TAF1B: variants seen among roughly 807,000 people sequenced by gnomAD.
The protein encoded by TAF1B is TATA-box binding protein associated factor, RNA polymerase I subunit B.
A neutral mutation model predicts 83.9 loss-of-function variants in TAF1B; 61 were observed. The observed-to-expected ratio is 0.73, with a 90% CI of 0.59 to 0.90. The LOEUF (loss-of-function observed/expected upper bound fraction) is 0.90, where lower values mean the gene tolerates loss of function less well. Among genes scored for constraint, TAF1B ranks in the 40% least tolerant of loss-of-function variants. The probability of loss-of-function intolerance (pLI) is 0.00; values close to 1 mark genes in which losing one functional copy is unlikely to be tolerated. For missense variants in TAF1B, 625 were observed against 677.0 expected (o/e 0.92, Z 0.85); for synonymous variants, 221 against 224.6 (o/e 0.98, Z 0.14).
rs140253577 is a variant in TAF1B at position 9,934,000 on chromosome 2, A to G, written c.*16A>G. 21 of 1,555,012 alleles carry G rather than the reference A, an allele frequency of 1.4e-5. No individual in the cohort carries two copies. The highest frequency in any genetic ancestry group is 1.8e-5 in the Non-Finnish European group (21 of 1,148,802). ...ACGACATTGAGAAAATGAAATAGAA[A>G]CTTTCTGGAAAAATATTTTAATAGT... On this transcript the variant is annotated 3_prime_UTR_variant, in exon 15 of 15. Transcript: ENST00000263663.
In TAF1B at chr2:9,886,209, C is replaced by CA. The variant is rs200539806; in HGVS notation, c.807+3415dup. ...AAGAGGGTAATCAAGCTGTTTGGAT[C>CA]AAAAAAAAAAAGACATACCATTTTG... On this transcript the variant is annotated intron_variant, in intron 8 of 14. Coordinates refer to ENST00000263663, the MANE Select transcript of TAF1B (RefSeq NM_005680.3). Among the ~76,000 whole-genome samples the CA allele has an allele frequency of 4.8e-3, 693 of 145,054 alleles. 3 individuals carry two copies. The highest frequency in any genetic ancestry group is 0.014 in the African/African-American group (551 of 39,098).
At chr2:9,901,891 T>TAA (rs577118385) in intron 8 of TAF1B, among the ~76,000 whole-genome samples, 1 of 149,616 alleles carries the variant, frequency 6.7e-6, no homozygotes, top group East Asian at 1.9e-4. Context: ...ATCCCAACAT[T>TAA]AAAAAAAAAA....
chr2:9,909,159 T>C (rs995821482), intron 9 of TAF1B, among the ~76,000 whole-genome samples: 1 of 152,270 alleles, frequency 6.6e-6, no homozygotes. Context: ...TTTTATTCTT[T>C]ATCATAAACG....
At chr2:9,893,635 G>A (rs972907745) in intron 8 of TAF1B, among the ~76,000 whole-genome samples, 43 of 152,122 alleles carry the variant, frequency 2.8e-4, no homozygotes, top group African/African-American at 1.0e-3. Context: ...GCTGCAGTGA[G>A]CTATGCTCAT....
At chr2:9,852,135 A>G (rs1198595539) in intron 4 of TAF1B, 1 of 421,754 alleles carries the variant, frequency 2.4e-6, no homozygotes, top group Non-Finnish European at 4.9e-6. Context: ...AAAAACACCA[A>G]TCACTGGACC....
chr2:9,931,166 C>T (rs1666199310), intron 14 of TAF1B, among the ~76,000 whole-genome samples: 1 of 152,182 alleles, frequency 6.6e-6, no homozygotes, highest in Non-Finnish European at 1.5e-5. Context: ...AGCCCATTTA[C>T]ATTTAAGGTT....
At chr2:9,881,478 A>G (rs926394832) in intron 7 of TAF1B, among the ~76,000 whole-genome samples, 2 of 152,172 alleles carry the variant, frequency 1.3e-5, no homozygotes, top group African/African-American at 4.8e-5. Flanking sequence ...CTTATTTTAA[A>G]TATATATAGG....
chr2:9,874,970 T>TC (rs1211732073), intron 6 of TAF1B, among the ~76,000 whole-genome samples: 2 of 152,092 alleles, frequency 1.3e-5, no homozygotes, highest in African/African-American at 4.8e-5. Context: ...TCTTTTTTTT[T>TC]TTTTCTTTTT....
At chr2:9,877,907 A>AT (rs966092727) in intron 7 of TAF1B, among the ~76,000 whole-genome samples, 1 of 151,176 alleles carries the variant, frequency 6.6e-6, no homozygotes, top group African/African-American at 2.4e-5. Flanking sequence ...CTTCAAGGAG[A>AT]TTAAATCTAG....
At chr2:9,846,311 A>G in intron 2 of TAF1B, 1 of 346,934 alleles carries the variant, frequency 2.9e-6, no homozygotes, top group South Asian at 2.3e-5. Flanking sequence ...GCTAGGTCCT[A>G]TTGTGGTGAA....
intron 6 of TAF1B, among the ~76,000 whole-genome samples, chr2:9,872,573 A>C (rs549918464): frequency 6.6e-6 from 1 of 152,246 alleles, no homozygotes; most frequent in East Asian, 1.9e-4. Context: ...TGACTTCTAA[A>C]ATTTTATTGT....
intron 12 of TAF1B, among the ~76,000 whole-genome samples, chr2:9,916,422 T>C (rs949940810): frequency 1.1e-4 from 17 of 152,224 alleles, no homozygotes; most frequent in African/African-American, 3.9e-4. Context: ...TTAGATCACC[T>C]TTCCCATTCT....
At chr2:9,872,982 G>T (rs1313834376) in intron 6 of TAF1B, among the ~76,000 whole-genome samples, 1 of 152,150 alleles carries the variant, frequency 6.6e-6, no homozygotes, top group Non-Finnish European at 1.5e-5. Flanking sequence ...CCATTGCATG[G>T]AATTACTTAA....
intron 1 of TAF1B, among the ~76,000 whole-genome samples, chr2:9,844,957 G>A (rs1412414327): frequency 6.6e-6 from 1 of 151,882 alleles, no homozygotes; most frequent in East Asian, 1.9e-4. Context: ...ACTCATCTTT[G>A]GTTCCAGTTT....
At chr2:9,916,283 A>G (rs16867240) in intron 12 of TAF1B, among the ~76,000 whole-genome samples, 78,225 of 152,158 alleles carry the variant, frequency 0.51, 23,121 homozygotes, top group Non-Finnish European at 0.68. Context: ...ATAACATGTA[A>G]CTGGAAAACA....
chr2:9,843,612 G>A, intron 1 of TAF1B, 53 bp downstream of exon 1: 1 of 1,453,132 alleles, frequency 6.9e-7, no homozygotes, highest in Admixed American at 2.7e-5. Context: ...GGAGGAGAGA[G>A]AAGCTGAGGA....
chr2:9,872,325 TAAA>T (rs34234383), intron 6 of TAF1B, among the ~76,000 whole-genome samples: 2 of 138,020 alleles, frequency 1.4e-5, no homozygotes, highest in Admixed American at 7.2e-5. Context: ...GATTCCATCT[TAAA>T]AAAAAAAAAA....
intron 8 of TAF1B, among the ~76,000 whole-genome samples, chr2:9,897,813 G>C (rs1665061239): frequency 6.6e-6 from 1 of 152,044 alleles, no homozygotes. Context: ...GGGATTTTTT[G>C]TACAATCTTT....
intron 12 of TAF1B, among the ~76,000 whole-genome samples, chr2:9,916,552 G>T (rs1665686478): frequency 6.6e-6 from 1 of 152,194 alleles, no homozygotes; most frequent in Non-Finnish European, 1.5e-5. Context: ...TATTCACAAG[G>T]AATGTTTAAC....
Sources: allele counts gnomAD v4.1 joint callset (sites outside exome capture counted in the v4.1 genomes callset), GRCh38; gene constraint gnomAD v4.1.1; transcripts MANE v1.5; gene names NCBI Gene and HGNC (gene_info 2026-07-23, HGNC 2026-07-21).